Variants in NELL2 observed in about 807,000 individuals in gnomAD.
The protein encoded by NELL2 is neural EGFL like 2.
NELL2 carries 41 observed loss-of-function variants against 109.6 expected under a neutral mutation model. The observed-to-expected ratio is 0.37, with a 90% CI of 0.29 to 0.49. The LOEUF (loss-of-function observed/expected upper bound fraction) is 0.49, where lower values mean the gene tolerates loss of function less well. Among genes scored for constraint, NELL2 ranks in the 20% least tolerant of loss-of-function variants. The probability of loss-of-function intolerance (pLI) is 0.98; values close to 1 mark genes in which losing one functional copy is unlikely to be tolerated. For synonymous variants in NELL2, 355 were observed against 344.7 expected (o/e 1.03, Z -0.33); for missense variants, 900 against 1,008.3 (o/e 0.89, Z 1.45).
intron 2 of NELL2, among the ~76,000 whole-genome samples, chr12:44,842,481 C>T (rs1182437737): frequency 1.3e-5 from 2 of 152,014 alleles, no homozygotes; most frequent in Admixed American, 6.6e-5. Context: ...AAGGTAGAAT[C>T]GAAAAACTTC....
chr12:44,558,506 G>A (rs561429196), intron 15 of NELL2, among the ~76,000 whole-genome samples: 2 of 152,290 alleles, frequency 1.3e-5, no homozygotes, highest in Admixed American at 6.5e-5. Flanking sequence ...AGCCCAGGGA[G>A]GGCGAGCCAA....
intron 1 of NELL2, among the ~76,000 whole-genome samples, chr12:44,907,265 G>A (rs1047374689): frequency 6.6e-6 from 1 of 151,992 alleles, no homozygotes; most frequent in Non-Finnish European, 1.5e-5. Context: ...CGAGCTATAA[G>A]ACTAACTGAG....
intron 9 of NELL2, among the ~76,000 whole-genome samples, chr12:44,727,618 T>C (rs1839494): frequency 0.021 from 3,164 of 151,958 alleles, 106 homozygotes; most frequent in African/African-American, 0.072. Context: ...AGACTAGAGA[T>C]TGAGCCTTAT....
At position 44,601,079 on chromosome 12, in the gene NELL2, T is replaced by C. The variant is rs143442071; in HGVS notation, c.1663+6090A>G. ...TTTTAAAATAAAACTGAAGATCTTA[T>C]CCAAATTCCCAACTAATTCCACTTG... On this transcript the variant is annotated intron_variant, in intron 15 of 19. Transcript: ENST00000429094. Among the ~76,000 whole-genome samples, 63 of 152,290 alleles carry C rather than the reference T, an allele frequency of 4.1e-4. No homozygotes were observed. In the East Asian group the frequency reaches 0.012, roughly 28 times the overall value.
At chr12:44,599,921 A>C (rs568785275) in intron 15 of NELL2, among the ~76,000 whole-genome samples, 21 of 150,742 alleles carry the variant, frequency 1.4e-4, no homozygotes, top group South Asian at 1.0e-3. Flanking sequence ...AAACAATGGA[A>C]TACTGCCTTC....
chr12:44,587,144 C>A (rs11182545), intron 15 of NELL2, among the ~76,000 whole-genome samples: 6,998 of 150,862 alleles, frequency 0.046, 564 homozygotes, highest in African/African-American at 0.16. Context: ...TGGTGGCACA[C>A]GCCTGTAGTC....
intron 19 of NELL2, 35 bp from the exon 20 acceptor site, chr12:44,509,019 G>T (rs1308228803): frequency 6.4e-7 from 1 of 1,556,060 alleles, no homozygotes; most frequent in Non-Finnish European, 8.8e-7. Flanking sequence ...AAAACAGTAT[G>T]AATTTTTAAG....
At chr12:44,772,257 C>T (rs1393142249) in intron 9 of NELL2, among the ~76,000 whole-genome samples, 1 of 152,152 alleles carries the variant, frequency 6.6e-6, no homozygotes, top group African/African-American at 2.4e-5. Context: ...TTTCTCCTCA[C>T]ATGCAATGGT....
intron 9 of NELL2, among the ~76,000 whole-genome samples, chr12:44,759,295 T>C (rs1228263856): frequency 3.9e-5 from 6 of 152,178 alleles, no homozygotes; most frequent in African/African-American, 9.7e-5. Context: ...AGGTTCTCCA[T>C]CACCTGTACT....
chr12:44,742,411 C>A (rs1045884112), intron 9 of NELL2, among the ~76,000 whole-genome samples: 6 of 152,192 alleles, frequency 3.9e-5, no homozygotes, highest in African/African-American at 1.2e-4. Context: ...CTCTCCTCCT[C>A]CAAAGGAACG....
chr12:44,777,946 A>T (rs1941816255), intron 5 of NELL2, among the ~76,000 whole-genome samples: 1 of 152,174 alleles, frequency 6.6e-6, no homozygotes, highest in African/African-American at 2.4e-5. Context: ...TCACATGTTT[A>T]TAGGCAAAAT....
chr12:44,886,155 G>A (rs1945471697), intron 1 of NELL2, among the ~76,000 whole-genome samples: 2 of 150,948 alleles, frequency 1.3e-5, no homozygotes, highest in Non-Finnish European at 3.0e-5. Context: ...AAGAAAGGGA[G>A]AGAATCCTCA....
chr12:44,716,367 A>G (rs1938485594), intron 9 of NELL2, among the ~76,000 whole-genome samples: 2 of 152,206 alleles, frequency 1.3e-5, no homozygotes, highest in Non-Finnish European at 2.9e-5. Context: ...TTGCTAGCAA[A>G]GAATAAAATT....
intron 2 of NELL2, among the ~76,000 whole-genome samples, chr12:44,861,723 C>T (rs1018778093): frequency 6.6e-6 from 1 of 152,356 alleles, no homozygotes; most frequent in Non-Finnish European, 1.5e-5. Context: ...GCTAGCCCCA[C>T]AGACCCAATC....
chr12:44,613,074 T>C (rs1945683460), intron 13 of NELL2, among the ~76,000 whole-genome samples: 1 of 152,070 alleles, frequency 6.6e-6, no homozygotes, highest in African/African-American at 2.4e-5. Flanking sequence ...TCCCTGTGAC[T>C]GAAGTGTCCT....
chr12:44,874,122 T>G (rs995760965), intron 2 of NELL2, among the ~76,000 whole-genome samples: 2 of 152,198 alleles, frequency 1.3e-5, no homozygotes, highest in Non-Finnish European at 2.9e-5. Context: ...ACAACACCAC[T>G]ACAGAAACAC....
chr12:44,715,625 T>C (rs139201706), intron 9 of NELL2, among the ~76,000 whole-genome samples: 2 of 152,174 alleles, frequency 1.3e-5, no homozygotes, highest in African/African-American at 4.8e-5. Flanking sequence ...TTCATAATTT[T>C]GTATTGTTTA....
intron 19 of NELL2, among the ~76,000 whole-genome samples, chr12:44,509,908 C>T (rs186053214): frequency 2.0e-3 from 302 of 151,896 alleles, no homozygotes; most frequent in Middle Eastern, 3.4e-3. Context: ...GGTGGCCAAA[C>T]GCACAGAGGA....
intron 13 of NELL2, among the ~76,000 whole-genome samples, chr12:44,617,406 G>GAAGAATAAATTTAAA (rs1592213850): frequency 1.4e-5 from 2 of 145,456 alleles, no homozygotes; most frequent in African/African-American, 5.5e-5. Context: ...AAGCAGTTGT[G>GAAGAATAAATTTAAA]GCCGGGCGCG....
Sources: allele counts gnomAD v4.1 joint callset (sites outside exome capture counted in the v4.1 genomes callset), GRCh38; gene constraint gnomAD v4.1.1; transcripts MANE v1.5; gene names NCBI Gene and HGNC (gene_info 2026-07-23, HGNC 2026-07-21).